The following EFCAB6 variants were observed in gnomAD, a reference collection of about 807,000 sequenced individuals.
The protein encoded by EFCAB6 is EF-hand calcium-binding domain-containing protein 6.
Under a neutral mutation model 169.8 loss-of-function variants are expected in EFCAB6, and 156 were observed. The ratio of observed to expected loss-of-function variants is 0.92; its 90% CI spans 0.81 to 1.05. The LOEUF (loss-of-function observed/expected upper bound fraction) is 1.05. EFCAB6 is among the 50% of genes least tolerant of loss of function. The probability of loss-of-function intolerance (pLI) is 0.00; values close to 1 mark genes in which losing one functional copy is unlikely to be tolerated. For synonymous variants in EFCAB6, 698 were observed against 676.4 expected, an observed-to-expected ratio of 1.03 and a Z score of -0.50; for missense variants, 1,800 against 1,829.1, an observed-to-expected ratio of 0.98 and a Z score of 0.29.
chr22:43,784,541 G>GTGTATATA (rs1556409937), intron 2 of EFCAB6, among the ~76,000 whole-genome samples: 3 of 79,706 alleles, frequency 3.8e-5, no homozygotes, highest in African/African-American at 9.1e-5. Context: ...GTGTGTGTGT[G>GTGTATATA]TGTATATGTA....
intron 8 of EFCAB6, among the ~76,000 whole-genome samples, chr22:43,730,695 G>A (rs1026801557): frequency 2.6e-5 from 4 of 152,144 alleles, no homozygotes; most frequent in East Asian, 1.9e-4. Context: ...GGCTTGGTTC[G>A]ATTGTTTACT....
chr22:43,530,735 G>A, intron 31 of EFCAB6, 80 bp downstream of exon 31: 3 of 1,589,608 alleles, frequency 1.9e-6, no homozygotes, highest in Admixed American at 1.7e-5. Flanking sequence ...GCAGGTAGAG[G>A]GCTCCCCGTG....
chr22:43,598,860 T>C (rs2052261136), intron 23 of EFCAB6, among the ~76,000 whole-genome samples: 1 of 152,222 alleles, frequency 6.6e-6, no homozygotes, highest in African/African-American at 2.4e-5. Flanking sequence ...AGATGATGGA[T>C]ATACCGATTA....
chr22:43,730,453 T>C (rs1285456278), intron 8 of EFCAB6, among the ~76,000 whole-genome samples: 1 of 151,432 alleles, frequency 6.6e-6, no homozygotes, highest in East Asian at 2.0e-4. Context: ...AGATGTGACC[T>C]GTGGACATTA....
At chr22:43,761,347 C>G (rs1007430512) in intron 5 of EFCAB6, among the ~76,000 whole-genome samples, 1 of 152,074 alleles carries the variant, frequency 6.6e-6, no homozygotes, top group Admixed American at 6.6e-5. Flanking sequence ...ATTAGGACTC[C>G]TCTTCCTGTT....
In EFCAB6 at chr22:43,796,959, T is replaced by C. The variant is rs147723526; in HGVS notation, c.-8+12036A>G. On this transcript the variant is annotated intron_variant, in intron 2 of 31. Transcript: ENST00000262726. The stretch of plus-strand genomic sequence containing the variant: ...TGCAGTTGTCTAGTATTTCCATTCA[T>C]GCTGAGCACCAAATTAAGGTCATCC... 9.2e-5 allele frequency among the ~76,000 whole-genome samples: 14 copies of C among 152,346 alleles called. No homozygotes were observed. In the East Asian group the frequency reaches 2.5e-3, roughly 27 times the overall value.
At chr22:43,784,646 T>C (rs1338028742) in intron 2 of EFCAB6, among the ~76,000 whole-genome samples, 11 of 85,154 alleles carry the variant, frequency 1.3e-4, no homozygotes, top group Non-Finnish European at 1.9e-4. Flanking sequence ...TATGTACACA[T>C]ATATATGTGT....
At chr22:43,667,374 G>T in intron 16 of EFCAB6, 102 bp from the exon 17 acceptor site, 1 of 1,411,586 alleles carries the variant, frequency 7.1e-7, no homozygotes, top group Non-Finnish European at 9.6e-7. Flanking sequence ...CAGTAAGAAG[G>T]TTTCCCATCC....
chr22:43,663,084 C>A (rs1246712578), intron 17 of EFCAB6, among the ~76,000 whole-genome samples: 1 of 152,236 alleles, frequency 6.6e-6, no homozygotes, highest in Non-Finnish European at 1.5e-5. Flanking sequence ...AAAGCAAATT[C>A]CACATGCCTG....
intron 17 of EFCAB6, among the ~76,000 whole-genome samples, chr22:43,637,691 T>C (rs528604731): frequency 1.3e-5 from 2 of 152,164 alleles, no homozygotes; most frequent in Admixed American, 6.5e-5. Flanking sequence ...AAGCACGTGA[T>C]TGGGAATGCT....
At chr22:43,576,851 C>T (rs958999060) in intron 25 of EFCAB6, among the ~76,000 whole-genome samples, 2 of 152,218 alleles carry the variant, frequency 1.3e-5, no homozygotes, top group Non-Finnish European at 2.9e-5. Flanking sequence ...GTAACTTGCT[C>T]AAGCTCTCTT....
chr22:43,718,232 TAAA>T (rs1165455945), intron 8 of EFCAB6, among the ~76,000 whole-genome samples: 1 of 152,182 alleles, frequency 6.6e-6, no homozygotes, highest in Non-Finnish European at 1.5e-5. Context: ...ATTTTTATAA[TAAA>T]AGAGAATGAA....
intron 27 of EFCAB6, among the ~76,000 whole-genome samples, chr22:43,544,770 A>G (rs756375352): frequency 2.0e-5 from 3 of 151,812 alleles, no homozygotes; most frequent in South Asian, 2.1e-4. Context: ...GCAATCTGCA[A>G]CTAAGAACCC....
At chr22:43,552,041 C>T (rs558939250) in intron 27 of EFCAB6, 7 of 152,138 alleles carry the variant, frequency 4.6e-5, no homozygotes, top group Admixed American at 3.3e-4. Context: ...CCATATTGGC[C>T]AGGCTGGTCT....
chr22:43,756,735 T>C (rs1017068380), intron 5 of EFCAB6, among the ~76,000 whole-genome samples: 2 of 152,020 alleles, frequency 1.3e-5, no homozygotes. Flanking sequence ...GGCAGGGAGA[T>C]AAATTGGAGA....
At chr22:43,632,039 C>A in intron 19 of EFCAB6, 66 bp downstream of exon 19, 1 of 1,585,418 alleles carries the variant, frequency 6.3e-7, no homozygotes. Flanking sequence ...CTCACACCCA[C>A]TTGGGCTGCG....
At chr22:43,727,864 C>T (rs373339039) in intron 8 of EFCAB6, among the ~76,000 whole-genome samples, 8 of 151,878 alleles carry the variant, frequency 5.3e-5, no homozygotes, top group South Asian at 2.1e-4. Flanking sequence ...CCTTGAAGCT[C>T]GAGCATCTGC....
intron 5 of EFCAB6, among the ~76,000 whole-genome samples, chr22:43,764,729 TA>T (rs1479635671): frequency 1.3e-5 from 2 of 152,118 alleles, no homozygotes; most frequent in East Asian, 1.9e-4. Context: ...TTTTTATTAC[TA>T]AAACAATATT....
intron 26 of EFCAB6, among the ~76,000 whole-genome samples, chr22:43,569,255 A>G (rs1295658760): frequency 6.6e-6 from 1 of 152,258 alleles, no homozygotes; most frequent in Admixed American, 6.5e-5. Flanking sequence ...CAACAAAAGA[A>G]TAACTCTGTA....
Sources: gnomAD v4.1 joint callset for allele counts (sites outside exome capture counted in the v4.1 genomes callset) on GRCh38, gnomAD v4.1.1 for gene constraint, MANE v1.5 for transcripts, NCBI Gene and HGNC (gene_info 2026-07-23, HGNC 2026-07-21) for gene names.